Variants in DNAH6 observed in about 807,000 individuals in gnomAD.
The protein encoded by DNAH6 is axonemal beta dynein heavy chain 6.
Under a neutral mutation model 491.4 loss-of-function variants are expected in DNAH6, and 340 were observed. The ratio of observed to expected loss-of-function variants is 0.69; its 90% CI spans 0.63 to 0.76. The LOEUF (loss-of-function observed/expected upper bound fraction) is 0.76. DNAH6 is among the 30% of genes least tolerant of loss of function. The pLI, the probability that DNAH6 is intolerant of heterozygous loss-of-function variation, is 0.00. For missense variants in DNAH6, 4,443 were observed against 4,972.2 expected (o/e 0.89, Z 3.20); for synonymous variants, 1,603 against 1,686.1 (o/e 0.95, Z 1.21).
At chr2:84,743,508 C>T (rs1485599160) in intron 62 of DNAH6, among the ~76,000 whole-genome samples, 5 of 152,150 alleles carry the variant, frequency 3.3e-5, no homozygotes, top group Non-Finnish European at 5.9e-5. Flanking sequence ...GCTTCGTGTC[C>T]TATTGGGAGT....
intron 64 of DNAH6, among the ~76,000 whole-genome samples, chr2:84,781,011 C>T (rs1015025098): frequency 6.6e-6 from 1 of 152,006 alleles, no homozygotes; most frequent in Non-Finnish European, 1.5e-5. Flanking sequence ...GTTTTTTGAC[C>T]TAGGTGGTGG....
chr2:84,740,165 T>C (rs981875483), intron 62 of DNAH6, among the ~76,000 whole-genome samples: 3 of 152,174 alleles, frequency 2.0e-5, no homozygotes, highest in African/African-American at 7.2e-5. Flanking sequence ...ACAGGTTCCT[T>C]GGTTGCAAGT....
intron 16 of DNAH6, among the ~76,000 whole-genome samples, chr2:84,591,305 C>A (rs1210080473): frequency 1.3e-5 from 2 of 152,032 alleles, no homozygotes; most frequent in Non-Finnish European, 2.9e-5. Flanking sequence ...TATATACTAA[C>A]AACAAACAAT....
chr2:84,747,395 A>C (rs1573684820), intron 63 of DNAH6, among the ~76,000 whole-genome samples: 1 of 152,238 alleles, frequency 6.6e-6, no homozygotes. Context: ...AACAGGCTCC[A>C]TGCAAGTCTG....
chr2:84,613,855 T>G (rs1489340059), intron 22 of DNAH6, among the ~76,000 whole-genome samples: 1 of 151,982 alleles, frequency 6.6e-6, no homozygotes, highest in African/African-American at 2.4e-5. Context: ...CTTAGTCAAT[T>G]CCCCCCATTT....
intron 64 of DNAH6, among the ~76,000 whole-genome samples, chr2:84,773,763 T>A (rs1242618925): frequency 1.3e-5 from 2 of 152,134 alleles, no homozygotes; most frequent in African/African-American, 4.8e-5. Context: ...ATTTTTGACT[T>A]TTTAATAATA....
chr2:84,609,226 G>A (rs72922708), intron 21 of DNAH6, among the ~76,000 whole-genome samples: 1,704 of 152,216 alleles, frequency 0.011, 28 homozygotes, highest in African/African-American at 0.038. Context: ...TATCATTTGT[G>A]TCTACACTGA....
intron 4 of DNAH6, among the ~76,000 whole-genome samples, chr2:84,537,048 A>T (rs559910897): frequency 1.4e-3 from 213 of 152,128 alleles, no homozygotes; most frequent in African/African-American, 4.7e-3. Context: ...TTATTATTGC[A>T]TGGGTTTTAT....
intron 12 of DNAH6, among the ~76,000 whole-genome samples, chr2:84,575,597 CG>C (rs555250152): frequency 7.6e-4 from 115 of 152,284 alleles, no homozygotes; most frequent in African/African-American, 2.7e-3. Flanking sequence ...AACCGTTTTA[CG>C]TACTGCCTCT....
chr2:84,529,502 A>G (rs1003606787), intron 4 of DNAH6, among the ~76,000 whole-genome samples: 5 of 152,148 alleles, frequency 3.3e-5, no homozygotes, highest in African/African-American at 1.2e-4. Flanking sequence ...CAGATGATGC[A>G]CGATTTGTTT....
the DNAH6 span, among the ~76,000 whole-genome samples, chr2:84,486,208 C>T: frequency 2.3e-4 from 35 of 152,338 alleles, 1 homozygote; most frequent in South Asian, 6.6e-3. Flanking sequence ...TTATCCCACA[C>T]ACTACCCTTA....
At chr2:84,546,582 A>G (rs1015294274) in intron 5 of DNAH6, among the ~76,000 whole-genome samples, 10 of 152,204 alleles carry the variant, frequency 6.6e-5, no homozygotes, top group African/African-American at 2.4e-4. Flanking sequence ...TCTATGTTGT[A>G]GCATAGCATT....
At chr2:84,698,900 G>A (rs1695629643) in intron 47 of DNAH6, among the ~76,000 whole-genome samples, 1 of 152,136 alleles carries the variant, frequency 6.6e-6, no homozygotes, top group African/African-American at 2.4e-5. Flanking sequence ...CATGGATGCA[G>A]CTGGAGGTCA....
intron 45 of DNAH6, 60 bp downstream of exon 45, chr2:84,688,653 A>T: frequency 7.2e-7 from 1 of 1,384,048 alleles, no homozygotes. Flanking sequence ...ATTAAAGGGT[A>T]AAAAAATAAG....
chr2:84,516,837 C>T (rs1240262979), intron 1 of DNAH6, among the ~76,000 whole-genome samples: 1 of 152,176 alleles, frequency 6.6e-6, no homozygotes, highest in Non-Finnish European at 1.5e-5. Context: ...AATCTTTAGA[C>T]CTCGTGTGGC....
In DNAH6 at chr2:84,547,618, A is replaced by C. The variant is rs1489098472; in HGVS notation, c.1186+6A>C. 12 of 1,551,726 alleles carry C rather than the reference A, an allele frequency of 7.7e-6. No homozygotes were observed. Among genetic ancestry groups the C allele is most frequent in the Non-Finnish European group, 1.0e-5 (12 of 1,146,846 alleles). Reference sequence around the variant, plus strand: ...TGCATTTGGACCTTTTGAGGGTATGAAGGGGAAAGAACCTCAATATATCAG... The same window carrying C: ...TGCATTTGGACCTTTTGAGGGTATGCAGGGGAAAGAACCTCAATATATCAG... On this transcript the variant is annotated splice_donor_region_variant and intron_variant, in intron 7 of 76. Coordinates refer to ENST00000389394, the MANE Select transcript of DNAH6 (RefSeq NM_001370.2).
intron 5 of DNAH6, 97 bp from the exon 6 acceptor site, chr2:84,547,170 GT>G: frequency 9.4e-7 from 1 of 1,066,026 alleles, no homozygotes; most frequent in African/African-American, 1.6e-5. Flanking sequence ...ACACAGAGGT[GT>G]TTATTATCCT....
chr2:84,717,310 A>G (rs1697631921), intron 58 of DNAH6, among the ~76,000 whole-genome samples: 1 of 152,204 alleles, frequency 6.6e-6, no homozygotes, highest in Non-Finnish European at 1.5e-5. Flanking sequence ...ACTTATTTAA[A>G]CAATTGAATT....
chr2:84,538,476 T>C (rs933931741), intron 4 of DNAH6, among the ~76,000 whole-genome samples: 1 of 152,174 alleles, frequency 6.6e-6, no homozygotes, highest in Non-Finnish European at 1.5e-5. Context: ...TCAGATTGTA[T>C]GGCGGAGCCT....
Sources: gnomAD v4.1 joint callset for allele counts (sites outside exome capture counted in the v4.1 genomes callset) on GRCh38, gnomAD v4.1.1 for gene constraint, MANE v1.5 for transcripts, NCBI Gene and HGNC (gene_info 2026-07-23, HGNC 2026-07-21) for gene names.